HACD1: variants seen among roughly 807,000 people sequenced by gnomAD.
HACD1 encodes the protein 3-hydroxyacyl-CoA dehydratase 1, also known as very-long-chain (3R)-3-hydroxyacyl-CoA dehydratase 1.
HACD1 carries 41 observed loss-of-function variants against 32.0 expected under a neutral mutation model. The observed-to-expected ratio is 1.28, with a 90% CI of 1.00 to 1.66. HACD1 has a LOEUF of 1.66. HACD1 is among the 40% of genes most tolerant of loss of function. The pLI, the probability that HACD1 is intolerant of heterozygous loss-of-function variation, is 0.00. For missense variants in HACD1, 396 were observed against 380.1 expected, an observed-to-expected ratio of 1.04 and a Z score of -0.35; for synonymous variants, 142 against 139.0, an observed-to-expected ratio of 1.02 and a Z score of -0.15.
chr10:17,600,126 A>G (rs7073625), intron 4 of HACD1, among the ~76,000 whole-genome samples: 53,839 of 152,044 alleles, frequency 0.35, 10,025 homozygotes, highest in Middle Eastern at 0.44. Context: ...GTGACACTAG[A>G]TGTTGTTATT....
In HACD1 at chr10:17,604,049, T is replaced by TAAA; in HGVS notation, c.258-5_258-3dup. On this transcript the variant is annotated splice_polypyrimidine_tract_variant and splice_region_variant and intron_variant, in intron 1 of 6. Coordinates refer to ENST00000361271, the MANE Select transcript of HACD1 (RefSeq NM_014241.4). ...ATGGCAATAGCTAGAACCAACCACC[T>TAAA]AAAAAAAAAAAGTATTTCATAAAGT... 1.6e-6 allele frequency: 2 copies of TAAA among 1,227,606 alleles called. No individual in the cohort carries two copies. Among genetic ancestry groups the TAAA allele is most frequent in the Admixed American group, 2.7e-5 (1 of 37,306 alleles). The allele number at this position is 1,227,606 out of a possible 1,614,324, so 76.0% of individuals were successfully genotyped here. A position where few individuals can be genotyped will look rare whatever the true frequency, so the allele number is the denominator to read the frequency against.
At chr10:17,609,293 A>G (rs548313112) in intron 1 of HACD1, among the ~76,000 whole-genome samples, 5 of 151,650 alleles carry the variant, frequency 3.3e-5, no homozygotes, top group Non-Finnish European at 7.4e-5. Context: ...AGCTGAGACT[A>G]TAGGCGCCCG....
chr10:17,608,362 T>C (rs1224218143), intron 1 of HACD1, among the ~76,000 whole-genome samples: 1 of 152,138 alleles, frequency 6.6e-6, no homozygotes, highest in Non-Finnish European at 1.5e-5. Context: ...CAGTTACTGA[T>C]GATCATTGGC....
intron 4 of HACD1, among the ~76,000 whole-genome samples, chr10:17,599,675 A>C (rs557607837): frequency 6.6e-6 from 1 of 152,330 alleles, no homozygotes; most frequent in Admixed American, 6.5e-5. Flanking sequence ...CTATCATCAG[A>C]GGACAATGTT....
chr10:17,612,805 C>T (rs2131523336), intron 1 of HACD1, among the ~76,000 whole-genome samples: 1 of 151,704 alleles, frequency 6.6e-6, no homozygotes, highest in Non-Finnish European at 1.5e-5. Flanking sequence ...GCCAGTAGTC[C>T]CAGCTACTCA....
chr10:17,591,133 C>G (rs1554815545), intron 6 of HACD1, among the ~76,000 whole-genome samples: 1 of 152,298 alleles, frequency 6.6e-6, no homozygotes, highest in South Asian at 2.1e-4. Flanking sequence ...CTCCTCTTCT[C>G]CATTCTACTG....
chr10:17,595,631 T>G (rs1409497863), intron 5 of HACD1, among the ~76,000 whole-genome samples: 3 of 152,004 alleles, frequency 2.0e-5, no homozygotes, highest in Non-Finnish European at 4.4e-5. Context: ...TGCTTCCAAT[T>G]AGGAAACACT....
intron 4 of HACD1, chr10:17,602,950 C>G (rs1291297008): frequency 6.6e-6 from 1 of 152,058 alleles, no homozygotes; most frequent in Non-Finnish European, 1.5e-5. Context: ...TGCAGTGGCA[C>G]AATCTCAGCT....
At position 17,617,289 on chromosome 10, in the gene HACD1, T is replaced by G. The variant is rs1554818282; in HGVS notation, c.51A>C (p.Ala17=). 6.9e-7 allele frequency: 1 copy of G among 1,459,528 alleles called. No individual in the cohort carries two copies. The highest frequency in any genetic ancestry group is 2.5e-5 in the Admixed American group (1 of 40,524). The allele number at this position is 1,459,528 out of a possible 1,614,324, so 90.4% of individuals were successfully genotyped here. The change falls in exon 1 of 7, where the codon GCA becomes GCC. Residue 17 remains alanine (A), a synonymous_variant. Transcript: ENST00000361271. ...AAAAGSGSRA[A]GWAGSPPTLL... ...GCGTGGGAGGGGACCCTGCCCAGCC[T>G]GCAGCCCGAGAGCCGCTGCCCGCTG...
At chr10:17,599,258 C>A in intron 5 of HACD1, 32 bp downstream of exon 5, 1 of 1,611,862 alleles carries the variant, frequency 6.2e-7, no homozygotes, top group Middle Eastern at 1.7e-4. Context: ...ATGCACAGGA[C>A]AAGGAGAAAC....
chr10:17,617,082 C>G lies in HACD1; in HGVS notation c.257+1G>C. ...CCGAGGGTGCCCCGCGGCGCGCGTA[C>G]CCCGCGGTCATGGCGATGTCGTAGA... On this transcript the variant is annotated splice_donor_variant, in intron 1 of 6. Coordinates refer to ENST00000361271, the MANE Select transcript of HACD1 (RefSeq NM_014241.4). LOFTEE classifies it high-confidence loss of function. The G allele has an allele frequency of 6.7e-7, 1 of 1,483,918 alleles. No homozygotes were observed. The highest frequency in any genetic ancestry group is 8.9e-7 in the Non-Finnish European group (1 of 1,120,446). 91.9% of individuals were successfully genotyped at this position (1,483,918 alleles called of 1,614,324 possible).
chr10:17,611,783 G>A (rs566954477), intron 1 of HACD1, among the ~76,000 whole-genome samples: 9 of 151,984 alleles, frequency 5.9e-5, no homozygotes, highest in Non-Finnish European at 1.0e-4. Context: ...TGGCTAACAC[G>A]GTGAAACCCC....
chr10:17,596,917 C>A (rs1346542344), intron 5 of HACD1, among the ~76,000 whole-genome samples: 1 of 152,120 alleles, frequency 6.6e-6, no homozygotes, highest in Non-Finnish European at 1.5e-5. Context: ...GAAGCCATTT[C>A]TAAAGTGTAG....
rs1833967935 is a variant in HACD1, at chr10:17,594,364, A to C, written c.625T>G (p.Leu209Val). 1 of 1,477,544 alleles carries C rather than the reference A, an allele frequency of 6.8e-7. No homozygotes were observed. The highest frequency in any genetic ancestry group is 9.0e-7 in the Non-Finnish European group (1 of 1,110,036). The allele number at this position is 1,477,544 out of a possible 1,614,324, so 91.5% of individuals were successfully genotyped here. The change falls in exon 6 of 7, where the codon TTA becomes GTA. Residue 209 changes from leucine (L) to valine (V), a missense_variant. Leu to Val is a conservative substitution (Grantham distance 32). Transcript: ENST00000361271. ...KWARYNFFII[L>V]YPVGVAGELL... ...TCACCAGCAACTCCAACAGGATATA[A>C]GATGATAAAAAAATTATATCTGGAG... is the stretch of plus-strand genomic sequence containing the variant.
At chr10:17,610,854 G>C (rs1834223790) in intron 1 of HACD1, among the ~76,000 whole-genome samples, 1 of 152,034 alleles carries the variant, frequency 6.6e-6, no homozygotes, top group South Asian at 2.1e-4. Context: ...AGCTACAAAG[G>C]AATGAGACAC....
At chr10:17,607,514 T>A (rs1432932491) in intron 1 of HACD1, among the ~76,000 whole-genome samples, 1 of 152,258 alleles carries the variant, frequency 6.6e-6, no homozygotes, top group Non-Finnish European at 1.5e-5. Context: ...CATACACTTG[T>A]CTTTTTTAGG....
chr10:17,610,712 C>T (rs1337566840), intron 1 of HACD1, among the ~76,000 whole-genome samples: 1 of 152,102 alleles, frequency 6.6e-6, no homozygotes, highest in Non-Finnish European at 1.5e-5. Context: ...GTGCATCAGG[C>T]ATCCTGCTAA....
At chr10:17,615,329 A>C (rs1833058715) in intron 1 of HACD1, 1 of 152,238 alleles carries the variant, frequency 6.6e-6, no homozygotes, top group African/African-American at 2.4e-5. Context: ...ATGTAATATC[A>C]TGTGCCCCTC....
intron 1 of HACD1, among the ~76,000 whole-genome samples, chr10:17,613,780 G>A (rs949495479): frequency 1.3e-5 from 2 of 152,254 alleles, no homozygotes; most frequent in African/African-American, 2.4e-5. Context: ...CAGGAGACCC[G>A]GAAAACTTCA....
Sources: allele counts gnomAD v4.1 joint callset (sites outside exome capture counted in the v4.1 genomes callset), GRCh38; gene constraint gnomAD v4.1.1; transcripts MANE v1.5; gene names NCBI Gene and HGNC (gene_info 2026-07-23, HGNC 2026-07-21).